The following HSD17B7 variants were observed in gnomAD, a reference collection of about 807,000 sequenced individuals.
HSD17B7 encodes 3-keto-steroid reductase/17-beta-hydroxysteroid dehydrogenase 7.
HSD17B7 carries 17 observed loss-of-function variants against 34.1 expected under a neutral mutation model. The observed-to-expected ratio is 0.50, with a 90% CI of 0.34 to 0.75. HSD17B7 has a LOEUF of 0.75. Ranked by LOEUF, HSD17B7 falls within the 30% of genes least tolerant of loss-of-function variation. HSD17B7 has a pLI of 0.01. For synonymous variants in HSD17B7, 122 were observed against 154.6 expected, an observed-to-expected ratio of 0.79 and a Z score of 1.56; for missense variants, 296 against 406.6, an observed-to-expected ratio of 0.73 and a Z score of 2.34.
Position 162,809,044 on chromosome 1 carries a change from G to C in HSD17B7, c.904-3254G>C, listed in dbSNP as rs1422203136. On this transcript the variant is annotated intron_variant, in intron 8 of 8. Coordinates refer to ENST00000254521, the MANE Select transcript of HSD17B7 (RefSeq NM_016371.4). The stretch of plus-strand genomic sequence containing the variant: ...GAGAGAGAGGGCATCCCTGTCTTGT[G>C]CCAGTTTTCAAAGGGAATGCTTCTA... Among the ~76,000 whole-genome samples the C allele has an allele frequency of 2.6e-5, 4 of 152,240 alleles. No homozygotes were observed. The South Asian group carries it at 6.2e-4, about 24-fold the overall frequency.
In HSD17B7 at chr1:162,792,691, T is replaced by C. The variant is rs1303238868; in HGVS notation, c.68T>C (p.Leu23Pro). 3 of 1,613,804 alleles carry C rather than the reference T, an allele frequency of 1.9e-6. No individual in the cohort carries two copies. Among genetic ancestry groups the C allele is most frequent in the Non-Finnish European group, 2.5e-6 (3 of 1,179,942 alleles). The change falls in exon 2 of 9, where the codon CTG becomes CCG. Residue 23 changes from leucine to proline, a missense_variant. By Grantham distance (98) the Leu-to-Pro change is moderately conservative. Coordinates refer to ENST00000254521, the MANE Select transcript of HSD17B7 (RefSeq NM_016371.4). ...GGCCTGGCCCTCTGCAAGCGGCTGC[T>C]GGCGGAAGATGATGAGCTTCATCTG... is the stretch of plus-strand genomic sequence containing the variant. ...GIGLALCKRL[L>P]AEDDELHLCL...
chr1:162,810,562 C>G (rs1373053054), intron 8 of HSD17B7, among the ~76,000 whole-genome samples: 1 of 152,010 alleles, frequency 6.6e-6, no homozygotes, highest in East Asian at 1.9e-4. Context: ...TTAAAGTCTC[C>G]CATTATTATT....
intron 3 of HSD17B7, chr1:162,797,592 G>A (rs1648659688): frequency 1.8e-6 from 1 of 548,178 alleles, no homozygotes; most frequent in South Asian, 3.0e-5. Flanking sequence ...AAGTATGTAA[G>A]TATTTCTGTG....
chr1:162,804,949 T>A (rs1343404668), intron 7 of HSD17B7, among the ~76,000 whole-genome samples: 1 of 152,216 alleles, frequency 6.6e-6, no homozygotes, highest in Non-Finnish European at 1.5e-5. Context: ...GGTTCAGAAT[T>A]GTCCTACATA....
At chr1:162,794,946 A>C (rs991091849) in intron 2 of HSD17B7, among the ~76,000 whole-genome samples, 4 of 152,234 alleles carry the variant, frequency 2.6e-5, no homozygotes, top group Non-Finnish European at 4.4e-5. Context: ...GTGGGGCAGA[A>C]GGGAGCACTT....
intron 7 of HSD17B7, among the ~76,000 whole-genome samples, chr1:162,804,584 C>G (rs1373328305): frequency 6.6e-6 from 1 of 152,022 alleles, no homozygotes; most frequent in Non-Finnish European, 1.5e-5. Flanking sequence ...GATACACCAG[C>G]AGCTAGAGGA....
At chr1:162,794,578 C>T (rs549004688) in intron 2 of HSD17B7, among the ~76,000 whole-genome samples, 1 of 152,234 alleles carries the variant, frequency 6.6e-6, no homozygotes, top group South Asian at 2.1e-4. Flanking sequence ...GGCTGTGAAA[C>T]TGTATACTGA....
In HSD17B7 at chr1:162,812,508, C is replaced by G. The variant is rs964786992; in HGVS notation, c.*88C>G. Reference sequence around the variant, plus strand: ...TGAGAAACATAGTGAGCCCTTGTCTCTACAAAAAGAAATAAAAATAATAGC... The same window carrying G: ...TGAGAAACATAGTGAGCCCTTGTCTGTACAAAAAGAAATAAAAATAATAGC... On this transcript the variant is annotated 3_prime_UTR_variant, in exon 9 of 9. Coordinates refer to ENST00000254521, the MANE Select transcript of HSD17B7 (RefSeq NM_016371.4). The G allele has an allele frequency of 4.1e-6, 5 of 1,209,646 alleles. No homozygotes were observed. The highest frequency in any genetic ancestry group is 5.7e-6 in the Non-Finnish European group (5 of 880,260). The allele number at this position is 1,209,646 out of a possible 1,614,324, so 74.9% of individuals were successfully genotyped here. A position where few individuals can be genotyped will look rare whatever the true frequency, so the allele number is the denominator to read the frequency against.
chr1:162,796,741 A>T lies in HSD17B7; in HGVS notation c.332+64A>T. 4.0e-6 allele frequency: 4 copies of T among 1,012,610 alleles called. No individual in the cohort carries two copies. The Admixed American group carries it at 6.8e-5, about 17-fold the overall frequency. The allele number at this position is 1,012,610 out of a possible 1,614,324, so 62.7% of individuals were successfully genotyped here. On this transcript the variant is annotated intron_variant, in intron 3 of 8. Transcript: ENST00000254521. The stretch of plus-strand genomic sequence containing the variant: ...GTGTTCATTTTTCTGCCTAGTTTTG[A>T]TGGCATGTTAAGTTGGGGGGATGAA...
chr1:162,792,145 C>T (rs1648428711), intron 1 of HSD17B7, among the ~76,000 whole-genome samples: 2 of 152,116 alleles, frequency 1.3e-5, no homozygotes, highest in South Asian at 4.1e-4. Context: ...TTACTGATGC[C>T]TCATCCTGAA....
intron 8 of HSD17B7, among the ~76,000 whole-genome samples, chr1:162,809,033 C>T (rs940050035): frequency 2.6e-5 from 4 of 152,186 alleles, no homozygotes; most frequent in African/African-American, 9.7e-5. Context: ...GAGAGGGCAT[C>T]CCTGTCTTGT....
chr1:162,792,683 G>A lies in HSD17B7; in HGVS notation c.60G>A (p.Lys20=). 1 of 1,613,438 alleles carries A rather than the reference G, an allele frequency of 6.2e-7. No homozygotes were observed. Among genetic ancestry groups the A allele is most frequent in the Non-Finnish European group, 8.5e-7 (1 of 1,179,750 alleles). ...ASSGIGLALC[K]RLLAEDDELH... ...GTGGCATTGGCCTGGCCCTCTGCAA[G>A]CGGCTGCTGGCGGAAGATGATGAGC... The change falls in exon 2 of 9, where the codon AAG becomes AAA. Residue 20 remains lysine, a synonymous_variant. Coordinates refer to ENST00000254521, the MANE Select transcript of HSD17B7 (RefSeq NM_016371.4).
intron 2 of HSD17B7, among the ~76,000 whole-genome samples, chr1:162,794,713 G>C (rs1370450254): frequency 2.0e-5 from 3 of 151,938 alleles, no homozygotes; most frequent in Non-Finnish European, 2.9e-5. Context: ...TTTAGATTTT[G>C]TTATATTTTC....
rs1314637009 is a variant in HSD17B7, at chr1:162,790,769, G to C, written c.-32G>C. 1 of 1,563,572 alleles carries C rather than the reference G, an allele frequency of 6.4e-7. No homozygotes were observed. The highest frequency in any genetic ancestry group is 1.4e-5 in the African/African-American group (1 of 73,968). ...ACTTCCGAAAGCAGCGGCGGTGTTT[G>C]CTTCACTGCTTGGAAGTGTGAGTGC... On this transcript the variant is annotated 5_prime_UTR_variant, in exon 1 of 9. Coordinates refer to ENST00000254521, the MANE Select transcript of HSD17B7 (RefSeq NM_016371.4).
chr1:162,799,749 G>A lies in HSD17B7; in HGVS notation c.454G>A (p.Glu152Lys). ...NVFGHFILIR[E>K]LEPLLCHSDN... ...TTTTTTTTCTTTCACCCAGATTCGG[G>A]AACTGGAGCCTCTCCTCTGTCACAG... Residue 152 changes from glutamate to lysine, a missense_variant, in exon 5 of 9, where the codon GAA (glutamate) becomes AAA (lysine). Glu to Lys is a moderately conservative substitution (Grantham distance 56, BLOSUM62 1). Transcript: ENST00000254521. The A allele has an allele frequency of 1.2e-6, 2 of 1,612,038 alleles. No homozygotes were observed. The highest frequency in any genetic ancestry group is 1.7e-6 in the Non-Finnish European group (2 of 1,178,982).
chr1:162,799,897 A>G lies in HSD17B7; in HGVS notation c.602A>G (p.Asp201Gly). The G allele has an allele frequency of 6.2e-7, 1 of 1,613,942 alleles. No homozygotes were observed. The highest frequency in any genetic ancestry group is 8.5e-7 in the Non-Finnish European group (1 of 1,179,968). ...TACAGCTCTTCCAAATATGCCACTG[A>G]CCTTTTGAGTGTGGCTTTGAACAGG... ...EPYSSSKYAT[D>G]LLSVALNRNF... Residue 201 changes from aspartate (D) to glycine (G), a missense_variant, in exon 5 of 9, where the codon GAC becomes GGC. By Grantham distance (94) the Asp-to-Gly change is moderately conservative. Coordinates refer to ENST00000254521, the MANE Select transcript of HSD17B7 (RefSeq NM_016371.4).
intron 8 of HSD17B7, among the ~76,000 whole-genome samples, chr1:162,811,507 G>C (rs1571013066): frequency 6.6e-6 from 1 of 152,328 alleles, no homozygotes; most frequent in East Asian, 1.9e-4. Flanking sequence ...ATTTAAAAGG[G>C]CTGAAAGTTT....
chr1:162,792,456 A>G, intron 1 of HSD17B7: 2 of 685,716 alleles, frequency 2.9e-6, no homozygotes, highest in Non-Finnish European at 4.6e-6. Flanking sequence ...CAAAATGAGA[A>G]AAACACAAAC....
At chr1:162,804,175 A>C in intron 6 of HSD17B7, 92 bp from the exon 7 acceptor site, 10 of 822,870 alleles carry the variant, frequency 1.2e-5, no homozygotes, top group Non-Finnish European at 1.9e-5. Context: ...TATAATCAGA[A>C]AGGCAGGGTT....
Sources: gnomAD v4.1 joint callset for allele counts (sites outside exome capture counted in the v4.1 genomes callset) on GRCh38, gnomAD v4.1.1 for gene constraint, MANE v1.5 for transcripts, NCBI Gene and HGNC (gene_info 2026-07-23, HGNC 2026-07-21) for gene names.